The following CACNA1B variants were observed in gnomAD, a reference collection of about 807,000 sequenced individuals.
CACNA1B encodes the protein calcium voltage-gated channel subunit alpha1 B.
CACNA1B carries 70 observed loss-of-function variants against 247.2 expected under a neutral mutation model. That is an observed-to-expected ratio of 0.28 (90% CI 0.23 to 0.35). The LOEUF (loss-of-function observed/expected upper bound fraction) is 0.35, where lower values mean the gene tolerates loss of function less well. Ranked by LOEUF, CACNA1B falls within the 10% of genes least tolerant of loss-of-function variation. CACNA1B has a pLI of 1.00. For synonymous variants in CACNA1B, 1,231 were observed against 1,294.4 expected (o/e 0.95, Z 1.05); for missense variants, 2,367 against 3,197.4 (o/e 0.74, Z 6.26).
intron 15 of CACNA1B, among the ~76,000 whole-genome samples, chr9:137,995,389 A>G (rs1035290900): frequency 2.0e-5 from 3 of 152,216 alleles, no homozygotes; most frequent in Non-Finnish European, 2.9e-5. Context: ...AAATACTTAC[A>G]GCCAACTGAT....
At chr9:138,071,231 C>T (rs1054858600) in intron 32 of CACNA1B, among the ~76,000 whole-genome samples, 3 of 152,224 alleles carry the variant, frequency 2.0e-5, no homozygotes, top group African/African-American at 7.2e-5. Context: ...GTGAGTCAGC[C>T]ACCATGTTGA....
chr9:137,912,176 TAA>T (rs1352973621), intron 3 of CACNA1B, among the ~76,000 whole-genome samples: 2 of 152,216 alleles, frequency 1.3e-5, no homozygotes, highest in Non-Finnish European at 2.9e-5. Flanking sequence ...AGGTCTGGAT[TAA>T]AGATACACAC....
intron 3 of CACNA1B, among the ~76,000 whole-genome samples, chr9:137,894,602 G>A (rs1478202837): frequency 6.6e-6 from 1 of 152,106 alleles, no homozygotes; most frequent in Non-Finnish European, 1.5e-5. Flanking sequence ...TAGAGACGGG[G>A]TTTCACCGTG....
Position 137,971,606 on chromosome 9 carries a change from T to A in CACNA1B, c.1543+14T>A, listed in dbSNP as rs1379790141. 3.7e-6 allele frequency: 6 copies of A among 1,604,830 alleles called. No individual in the cohort carries two copies. Among genetic ancestry groups the A allele is most frequent in the Non-Finnish European group, 5.1e-6 (6 of 1,173,632 alleles). On this transcript the variant is annotated intron_variant, in intron 11 of 46. Coordinates refer to ENST00000371372, the MANE Select transcript of CACNA1B (RefSeq NM_000718.4). The surrounding 1 kb of genome is among the most constrained non-coding windows in gnomAD (Gnocchi z 4.4). ...CCACGACCCTGTGTACGTATCCCCG[T>A]CCCTCCCTCAGGTGCTTCCTGAGCA...
At chr9:137,998,827 C>A (rs1958530298) in intron 15 of CACNA1B, among the ~76,000 whole-genome samples, 1 of 152,316 alleles carries the variant, frequency 6.6e-6, no homozygotes, top group East Asian at 1.9e-4. Context: ...AGATTTATAA[C>A]ATGTCTCTGT....
chr9:137,912,320 C>T (rs1346081148), intron 3 of CACNA1B, among the ~76,000 whole-genome samples: 2 of 152,126 alleles, frequency 1.3e-5, no homozygotes, highest in African/African-American at 2.4e-5. Flanking sequence ...GAAGGAGCCC[C>T]CAGGGAGTGG....
At chr9:138,024,596 A>C (rs1958897105) in intron 19 of CACNA1B, among the ~76,000 whole-genome samples, 1 of 152,150 alleles carries the variant, frequency 6.6e-6, no homozygotes, top group South Asian at 2.1e-4. Context: ...ATGGAGGCTT[A>C]AGGGTTTTGG....
intron 3 of CACNA1B, among the ~76,000 whole-genome samples, chr9:137,894,553 C>T (rs1029198644): frequency 3.9e-5 from 6 of 151,964 alleles, no homozygotes; most frequent in South Asian, 2.1e-4. Context: ...GGACTGCAGG[C>T]GCCCGCCACC....
chr9:138,009,597 C>T (rs1278284296), intron 16 of CACNA1B, among the ~76,000 whole-genome samples: 1 of 152,184 alleles, frequency 6.6e-6, no homozygotes, highest in Non-Finnish European at 1.5e-5. Context: ...TGTGGGGAGG[C>T]TTCTTGTGCT....
chr9:137,882,686 T>G lies in CACNA1B; in HGVS notation c.391-58T>G. On this transcript the variant is annotated intron_variant, in intron 2 of 46. Coordinates refer to ENST00000371372, the MANE Select transcript of CACNA1B (RefSeq NM_000718.4). This position sits in a 1 kb window ranked among gnomAD's most constrained non-coding sequence, Gnocchi z 4.0. ...GGGTGGGGTCCTCACCAACCGTCTC[T>G]GCCCGCTACTACACCGGGTAGGGGC... is the stretch of plus-strand genomic sequence containing the variant. The G allele has an allele frequency of 6.2e-7, 1 of 1,604,998 alleles. No homozygotes were observed.
At chr9:138,099,311 TTG>T (rs1023501302) in intron 37 of CACNA1B, among the ~76,000 whole-genome samples, 39 of 150,954 alleles carry the variant, frequency 2.6e-4, no homozygotes, top group Middle Eastern at 6.8e-3. Flanking sequence ...ATGTTGACGT[TTG>T]TGTGTGCACA....
chr9:138,115,162 C>T (rs1272261986), intron 41 of CACNA1B, among the ~76,000 whole-genome samples: 1 of 152,174 alleles, frequency 6.6e-6, no homozygotes, highest in African/African-American at 2.4e-5. Context: ...TTTTGCTCAG[C>T]CCAACCCTAA....
chr9:138,117,713 CCT>C (rs1412973420), intron 42 of CACNA1B, among the ~76,000 whole-genome samples: 2 of 152,140 alleles, frequency 1.3e-5, no homozygotes, highest in East Asian at 1.9e-4. Flanking sequence ...TTGCTCTGAC[CCT>C]GTTTTGGATC....
intron 3 of CACNA1B, among the ~76,000 whole-genome samples, chr9:137,885,963 G>A (rs1490130929): frequency 6.6e-6 from 1 of 151,738 alleles, no homozygotes; most frequent in Non-Finnish European, 1.5e-5. Flanking sequence ...GCTCTTGACT[G>A]GGTCAGCCCA....
At chr9:138,021,362 G>T (rs957486314) in intron 18 of CACNA1B, among the ~76,000 whole-genome samples, 1 of 152,226 alleles carries the variant, frequency 6.6e-6, no homozygotes, top group Non-Finnish European at 1.5e-5. Context: ...CCACACTTCC[G>T]CTTTCATTCG....
chr9:137,880,269 T>C lies in CACNA1B; in HGVS notation c.390+1110T>C, dbSNP rs10867084. ...GGTCTTAATGGAGCACAGTCTGGAA[T>C]GCCCAGTGGTCTGGGTTACGGCCGG... On this transcript the variant is annotated intron_variant, in intron 2 of 46. Transcript: ENST00000371372. The surrounding 1 kb of genome is among the most constrained non-coding windows in gnomAD (Gnocchi z 4.8). Among the ~76,000 whole-genome samples the C allele has an allele frequency of 0.55, 83,958 of 151,948 alleles. 24,448 individuals are homozygous for C. Among genetic ancestry groups the C allele is most frequent in the African/African-American group, 0.73 (30,413 of 41,454 alleles).
In CACNA1B at chr9:137,880,334, G is replaced by C. The variant is rs1023677407; in HGVS notation, c.390+1175G>C. Among the ~76,000 whole-genome samples the C allele has an allele frequency of 2.6e-5, 4 of 152,326 alleles. No homozygotes were observed. In the South Asian group the frequency reaches 8.3e-4, roughly 32 times the overall value. On this transcript the variant is annotated intron_variant, in intron 2 of 46. Transcript: ENST00000371372. This position sits in a 1 kb window ranked among gnomAD's most constrained non-coding sequence, Gnocchi z 4.8. Reference sequence around the variant, plus strand: ...CATGGACAGCCCAGCCACACCATGAGGCAGGCGTGAGTCATGGTCCCTGTG... The same window carrying C: ...CATGGACAGCCCAGCCACACCATGACGCAGGCGTGAGTCATGGTCCCTGTG...
At chr9:138,028,250 T>C (rs1160206554) in intron 20 of CACNA1B, among the ~76,000 whole-genome samples, 1 of 152,078 alleles carries the variant, frequency 6.6e-6, no homozygotes, top group Non-Finnish European at 1.5e-5. Context: ...CTTAAACTCC[T>C]GACCTCAAGT....
At chr9:137,886,810 G>C (rs1479638735) in intron 3 of CACNA1B, among the ~76,000 whole-genome samples, 5 of 152,208 alleles carry the variant, frequency 3.3e-5, no homozygotes, top group Admixed American at 2.0e-4. Flanking sequence ...TGAGTGGCGG[G>C]CTTTTTTTCC....
Sources: allele counts gnomAD v4.1 joint callset (sites outside exome capture counted in the v4.1 genomes callset), GRCh38; gene constraint gnomAD v4.1.1; non-coding constraint Gnocchi (gnomAD v3.1); transcripts MANE v1.5; gene names NCBI Gene and HGNC (gene_info 2026-07-23, HGNC 2026-07-21).